The following CYP4A11 variants were observed in gnomAD, a reference collection of about 807,000 sequenced individuals.
The protein encoded by CYP4A11 is cytochrome P450 4A11.
Under a neutral mutation model 57.7 loss-of-function variants are expected in CYP4A11, and 52 were observed. The ratio of observed to expected loss-of-function variants is 0.90; its 90% CI spans 0.72 to 1.14. CYP4A11 has a LOEUF of 1.14. CYP4A11 is among the 50% of genes most tolerant of loss of function. The pLI is 0.00. For missense variants in CYP4A11, 641 were observed against 642.1 expected (o/e 1.00, Z 0.02); for synonymous variants, 228 against 247.1 (o/e 0.92, Z 0.72).
rs144065752 is a variant in CYP4A11, at chr1:46,936,674, C to A, written c.500G>T (p.Arg167Leu). The A allele has an allele frequency of 1.3e-5, 21 of 1,607,044 alleles. No homozygotes were observed. The highest frequency in any genetic ancestry group is 3.3e-4 in the Middle Eastern group (2 of 6,014). ...PYVGLMADSVRVMLDKWEELL... is the reference protein window; with the variant it reads ...PYVGLMADSVLVMLDKWEELL... ...GAGACATGGACTCACCAGCATCACTCGTACAGAGTCTGCCATGAGCCCCAC... is the reference window on the plus strand; with the variant it reads ...GAGACATGGACTCACCAGCATCACTAGTACAGAGTCTGCCATGAGCCCCAC... Residue 167 changes from arginine (R) to leucine (L), a missense_variant, in exon 4 of 12, where the codon CGA becomes CTA. By Grantham distance (102) the Arg-to-Leu change is moderately radical. Transcript: ENST00000310638.
At chr1:46,932,680 A>C (rs578173738) in intron 11 of CYP4A11, 81 bp downstream of exon 11, 2 of 1,611,186 alleles carry the variant, frequency 1.2e-6, no homozygotes, top group Non-Finnish European at 1.7e-6. Flanking sequence ...CCACATATGA[A>C]CATCAGGCTC....
chr1:46,936,775 C>T lies in CYP4A11; in HGVS notation c.399G>A (p.Leu133=), dbSNP rs747066963. ...LAPWIGYGLL[L]LNGQTWFQHR... Reference sequence around the variant, plus strand: ...GCTGGAACCATGTCTGCCCATTCAACAGGAGCAAGCCGTACCCTAAGAGAG... The same window carrying T: ...GCTGGAACCATGTCTGCCCATTCAATAGGAGCAAGCCGTACCCTAAGAGAG... Residue 133 remains leucine, a synonymous_variant, in exon 4 of 12, where the codon CTG becomes CTA. Transcript: ENST00000310638. 6.2e-6 allele frequency: 10 copies of T among 1,612,304 alleles called. No homozygotes were observed. The highest frequency in any genetic ancestry group is 1.7e-5 in the Admixed American group (1 of 59,802).
rs146942170 is a variant in CYP4A11, at chr1:46,938,074, G to C, written c.259C>G (p.Pro87Ala). The part of the protein sequence containing the change: ...KWVETFPSAC[P>A]HWLWGGKVRV... ...ACTTTGCCTCCCCATAGCCAATGAG[G>C]ACAGGCACTTGGGAATGTCTCCACC... Residue 87 changes from proline (P) to alanine (A), a missense_variant, in exon 2 of 12, where the codon CCT becomes GCT. Transcript: ENST00000310638. 1.6e-4 allele frequency: 264 copies of C among 1,614,062 alleles called. No individual in the cohort carries two copies. Among genetic ancestry groups the C allele is most frequent in the Admixed American group, 4.0e-4 (24 of 60,000 alleles).
chr1:46,936,962 T>C (rs1681445102), intron 3 of CYP4A11, among the ~76,000 whole-genome samples, 171 bp from the exon 4 acceptor site: 2 of 152,012 alleles, frequency 1.3e-5, no homozygotes, highest in South Asian at 4.2e-4. Flanking sequence ...GAAAAGGAGG[T>C]ATATTTCAGG....
Position 46,936,703 on chromosome 1 carries a change from G to C in CYP4A11, c.471C>G (p.Pro157=). Residue 157 remains proline, a synonymous_variant, in exon 4 of 12, where the codon CCC becomes CCG. Coordinates refer to ENST00000310638, the MANE Select transcript of CYP4A11 (RefSeq NM_000778.4). ...TPAFHYDILK[P]YVGLMADSVR... ...CAGAGTCTGCCATGAGCCCCACATAGGGCTTCAGGATGTCATAGTGGAAGG... is the reference window on the plus strand; with the variant it reads ...CAGAGTCTGCCATGAGCCCCACATACGGCTTCAGGATGTCATAGTGGAAGG... 6.2e-7 allele frequency: 1 copy of C among 1,612,424 alleles called. No individual in the cohort carries two copies. Among genetic ancestry groups the C allele is most frequent in the Non-Finnish European group, 8.5e-7 (1 of 1,179,316 alleles).
At chr1:46,940,730 C>T (rs1217558766) in intron 1 of CYP4A11, 18 of 985,306 alleles carry the variant, frequency 1.8e-5, no homozygotes, top group African/African-American at 1.7e-5. Flanking sequence ...CAGATATCCA[C>T]CCCAGCAGAG....
Position 46,935,772 on chromosome 1 carries a change from A to C in CYP4A11, c.511-125T>G, listed in dbSNP as rs1205108544. ...GTAGCATGCAGATATCTTGGTTGGG[A>C]TTCCTCACTTTACAGAGCAGATGCA... On this transcript the variant is annotated intron_variant, in intron 4 of 11. Coordinates refer to ENST00000310638, the MANE Select transcript of CYP4A11 (RefSeq NM_000778.4). 6.6e-6 allele frequency: 10 copies of C among 1,522,700 alleles called. No homozygotes were observed. In the East Asian group the frequency reaches 2.3e-4, roughly 35 times the overall value. The allele number at this position is 1,522,700 out of a possible 1,614,324, so 94.3% of individuals were successfully genotyped here. A position where few individuals can be genotyped will look rare whatever the true frequency, so the allele number is the denominator to read the frequency against.
At chr1:46,937,633 T>A (rs1163354025) in intron 2 of CYP4A11, among the ~76,000 whole-genome samples, 1 of 152,198 alleles carries the variant, frequency 6.6e-6, no homozygotes, top group African/African-American at 2.4e-5. Context: ...TTTTTCTACA[T>A]TGATGATTTC....
intron 9 of CYP4A11, among the ~76,000 whole-genome samples, chr1:46,933,424 GA>G (rs1457785996): frequency 1.3e-5 from 2 of 152,140 alleles, no homozygotes; most frequent in Non-Finnish European, 2.9e-5. Context: ...GGAGATACCT[GA>G]ATCTCAGAGA....
chr1:46,934,258 C>T lies in CYP4A11; in HGVS notation c.1006G>A (p.Ala336Thr). ...TASGISWILY[A>T]LATHPKHQER... ...TGATGCTTGGGGTGTGTGGCCAGAG[C>T]ATAGAGGATCCAGGAGATCCCACTG... The change falls in exon 8 of 12, where the codon GCT (alanine) becomes ACT (threonine). Residue 336 changes from alanine to threonine, a missense_variant. By Grantham distance (58) the Ala-to-Thr change is moderately conservative (BLOSUM62 0). Transcript: ENST00000310638. The T allele has an allele frequency of 6.2e-7, 1 of 1,613,442 alleles. No individual in the cohort carries two copies.
intron 1 of CYP4A11, among the ~76,000 whole-genome samples, chr1:46,938,682 A>G (rs1681570255): frequency 6.6e-6 from 1 of 152,222 alleles, no homozygotes; most frequent in African/African-American, 2.4e-5. Flanking sequence ...GAATATGTAC[A>G]GATTTATGGG....
chr1:46,931,053 C>T (rs1306787000), intron 11 of CYP4A11, among the ~76,000 whole-genome samples: 2 of 152,230 alleles, frequency 1.3e-5, no homozygotes, highest in Non-Finnish European at 2.9e-5. Context: ...CTCCCACGCT[C>T]TTCATCACAG....
intron 11 of CYP4A11, among the ~76,000 whole-genome samples, chr1:46,930,521 G>T (rs935498609): frequency 2.6e-5 from 4 of 152,182 alleles, no homozygotes; most frequent in Non-Finnish European, 5.9e-5. Flanking sequence ...TCCTGGGCTA[G>T]CTCCTAACTC....
chr1:46,937,134 G>A (rs1447029628), intron 3 of CYP4A11, among the ~76,000 whole-genome samples, 168 bp downstream of exon 3: 1 of 152,160 alleles, frequency 6.6e-6, no homozygotes, highest in Non-Finnish European at 1.5e-5. Flanking sequence ...AGGAAGGTTT[G>A]TACCAGCATT....
intron 1 of CYP4A11, among the ~76,000 whole-genome samples, chr1:46,939,545 C>T (rs1158447890): frequency 3.9e-5 from 6 of 152,156 alleles, no homozygotes; most frequent in Non-Finnish European, 8.8e-5. Flanking sequence ...TATTGGGTTA[C>T]AAACATAAAT....
At chr1:46,941,164 T>A (rs1681726184) in intron 1 of CYP4A11, 75 bp downstream of exon 1, 1 of 1,548,616 alleles carries the variant, frequency 6.5e-7, no homozygotes, top group South Asian at 1.3e-5. Flanking sequence ...GGCTTTGCTC[T>A]ATGGATTTTG....
chr1:46,929,856 A>G lies in CYP4A11; in HGVS notation c.*259T>C. ...TGGACATGATCCAAGACTCTTTTAC[A>G]TTATGTCAGACATGCAAGCTCGGCC... On this transcript the variant is annotated 3_prime_UTR_variant, in exon 12 of 12. Coordinates refer to ENST00000310638, the MANE Select transcript of CYP4A11 (RefSeq NM_000778.4). The G allele has an allele frequency of 4.2e-6, 2 of 472,434 alleles. No individual in the cohort carries two copies. Among genetic ancestry groups the G allele is most frequent in the Non-Finnish European group, 7.6e-6 (2 of 263,742 alleles). 29.3% of individuals were successfully genotyped at this position (472,434 alleles called of 1,614,324 possible).
At chr1:46,933,375 C>T (rs913372805) in intron 9 of CYP4A11, among the ~76,000 whole-genome samples, 7 of 152,184 alleles carry the variant, frequency 4.6e-5, no homozygotes, top group East Asian at 1.9e-4. Flanking sequence ...AGTACAACAA[C>T]GCTCCAAGTA....
At chr1:46,931,156 C>T (rs1334723339) in intron 11 of CYP4A11, among the ~76,000 whole-genome samples, 1 of 152,168 alleles carries the variant, frequency 6.6e-6, no homozygotes, top group Non-Finnish European at 1.5e-5. Context: ...ACGTCCTGGC[C>T]CTGTTCATGT....
Sources: allele counts gnomAD v4.1 joint callset (sites outside exome capture counted in the v4.1 genomes callset), GRCh38; gene constraint gnomAD v4.1.1; transcripts MANE v1.5; gene names NCBI Gene and HGNC (gene_info 2026-07-23, HGNC 2026-07-21).